The following SLC24A2 variants were observed in gnomAD, a reference collection of about 807,000 sequenced individuals.
SLC24A2 encodes the protein sodium/potassium/calcium exchanger 2.
SLC24A2 carries 36 observed loss-of-function variants against 62.0 expected under a neutral mutation model. The ratio of observed to expected loss-of-function variants is 0.58; its 90% CI spans 0.44 to 0.77. The LOEUF (loss-of-function observed/expected upper bound fraction) is 0.77. Among genes scored for constraint, SLC24A2 ranks in the 30% least tolerant of loss-of-function variants. SLC24A2 has a pLI of 0.00. For synonymous variants in SLC24A2, 358 were observed against 294.0 expected, an observed-to-expected ratio of 1.22 and a Z score of -2.23; for missense variants, 846 against 817.9, an observed-to-expected ratio of 1.03 and a Z score of -0.42.
At chr9:20,003,630 T>C in the SLC24A2 span, among the ~76,000 whole-genome samples, 1 of 152,120 alleles carries the variant, frequency 6.6e-6, no homozygotes, top group African/African-American at 2.4e-5. Flanking sequence ...ATGTCAGGGG[T>C]TGGCATTTAA....
chr9:19,884,889 A>G, the SLC24A2 span, among the ~76,000 whole-genome samples: 301 of 152,328 alleles, frequency 2.0e-3, no homozygotes, highest in African/African-American at 6.8e-3. Context: ...TAGGGGTATT[A>G]AATACATTTT....
chr9:19,664,565 T>C (rs765250604), intron 2 of SLC24A2, among the ~76,000 whole-genome samples: 15 of 152,190 alleles, frequency 9.9e-5, no homozygotes, highest in Non-Finnish European at 1.3e-4. Context: ...CCAAAAGATA[T>C]GTTGAAGTCC....
intron 2 of SLC24A2, among the ~76,000 whole-genome samples, chr9:19,740,574 C>T (rs914907531): frequency 6.6e-6 from 1 of 152,190 alleles, no homozygotes; most frequent in Admixed American, 6.5e-5. Flanking sequence ...GAGAGTACTA[C>T]AGAGGGGGCT....
intron 7 of SLC24A2, among the ~76,000 whole-genome samples, chr9:19,563,116 AAAATAAACAGTCTGATG>A (rs1231406890): frequency 2.0e-5 from 3 of 152,090 alleles, no homozygotes; most frequent in Non-Finnish European, 2.9e-5. Flanking sequence ...TAAAAAAATA[AAAATAAACAGTCTGATG>A]AAGAGTCTTT....
chr9:19,670,542 T>C (rs1819384901), intron 2 of SLC24A2, among the ~76,000 whole-genome samples: 1 of 152,194 alleles, frequency 6.6e-6, no homozygotes, highest in African/African-American at 2.4e-5. Context: ...TTATTCCTTA[T>C]GACAATCCTA....
intron 2 of SLC24A2, among the ~76,000 whole-genome samples, chr9:19,732,541 A>G (rs559597878): frequency 5.3e-5 from 8 of 152,312 alleles, no homozygotes; most frequent in African/African-American, 1.7e-4. Flanking sequence ...TGATCTATGC[A>G]TAAATTGTAG....
chr9:19,728,188 C>G (rs1821228513), intron 2 of SLC24A2, among the ~76,000 whole-genome samples: 1 of 152,040 alleles, frequency 6.6e-6, no homozygotes, highest in South Asian at 2.1e-4. Context: ...CAGTTCCACT[C>G]CAGGACCAAG....
chr9:20,020,773 G>T, the SLC24A2 span, among the ~76,000 whole-genome samples: 1 of 152,082 alleles, frequency 6.6e-6, no homozygotes. Flanking sequence ...GGCTTTCAAA[G>T]CTCAGGCTCT....
the SLC24A2 span, among the ~76,000 whole-genome samples, chr9:20,209,811 G>C: frequency 6.6e-6 from 1 of 152,138 alleles, no homozygotes; most frequent in African/African-American, 2.4e-5. Context: ...GGAATCAATA[G>C]AAACCACATC....
the SLC24A2 span, among the ~76,000 whole-genome samples, chr9:20,095,679 A>G: frequency 6.6e-6 from 1 of 151,726 alleles, no homozygotes; most frequent in Non-Finnish European, 1.5e-5. Flanking sequence ...CCAATTCCTT[A>G]TTTTTATGTA....
At chr9:19,716,299 T>C (rs1428772945) in intron 2 of SLC24A2, among the ~76,000 whole-genome samples, 1 of 152,204 alleles carries the variant, frequency 6.6e-6, no homozygotes, top group Non-Finnish European at 1.5e-5. Flanking sequence ...AACTTTTTAT[T>C]GATGAATGCA....
the SLC24A2 span, among the ~76,000 whole-genome samples, chr9:19,993,286 TA>T: frequency 6.6e-6 from 1 of 152,214 alleles, no homozygotes; most frequent in Non-Finnish European, 1.5e-5. Flanking sequence ...ATGCTAGCTT[TA>T]ATAGTATTTA....
At position 19,636,315 on chromosome 9, in the gene SLC24A2, T is replaced by TTTTCTTTTCC; in HGVS notation, c.931-14017_931-14016insGGAAAAGAAA. ...TTTTCTTTTCTTTTCTTTTCTTTTC[T>TTTTCTTTTCC]TTTCTTTCTTTCTTTCTTTCTTTCT... On this transcript the variant is annotated intron_variant, in intron 2 of 10. Coordinates refer to ENST00000341998, the MANE Select transcript of SLC24A2 (RefSeq NM_020344.4). Among the ~76,000 whole-genome samples the TTTTCTTTTCC allele has an allele frequency of 8.7e-3, 350 of 40,316 alleles. 30 individuals carry two copies. Among genetic ancestry groups the TTTTCTTTTCC allele is most frequent in the South Asian group, 0.015 (16 of 1,040 alleles). 26.4% of individuals were successfully genotyped at this position (40,316 alleles called of 152,430 possible).
At chr9:19,589,220 C>A (rs541850155) in intron 5 of SLC24A2, among the ~76,000 whole-genome samples, 2 of 152,132 alleles carry the variant, frequency 1.3e-5, no homozygotes, top group Non-Finnish European at 2.9e-5. Flanking sequence ...ATGAAAATAT[C>A]CTAAATGTTC....
the SLC24A2 span, chr9:19,928,975 T>C: frequency 6.6e-6 from 1 of 152,350 alleles, no homozygotes; most frequent in South Asian, 2.1e-4. Flanking sequence ...GCTTTCACCC[T>C]TCCCTAGCTG....
chr9:19,772,517 C>T (rs1183741864), intron 2 of SLC24A2, among the ~76,000 whole-genome samples: 1 of 152,110 alleles, frequency 6.6e-6, no homozygotes, highest in Non-Finnish European at 1.5e-5. Flanking sequence ...AACTCTGAAA[C>T]TCAATAATAA....
At chr9:20,187,908 G>A in the SLC24A2 span, among the ~76,000 whole-genome samples, 1 of 152,152 alleles carries the variant, frequency 6.6e-6, no homozygotes, top group Non-Finnish European at 1.5e-5. Flanking sequence ...GATCCCACAT[G>A]ATTCCTCCGC....
chr9:20,108,975 G>A, the SLC24A2 span, among the ~76,000 whole-genome samples: 1 of 152,102 alleles, frequency 6.6e-6, no homozygotes, highest in Admixed American at 6.6e-5. Context: ...AGATGATAAT[G>A]CATATTTTAA....
At chr9:19,996,984 A>G in the SLC24A2 span, among the ~76,000 whole-genome samples, 1 of 152,030 alleles carries the variant, frequency 6.6e-6, no homozygotes, top group Non-Finnish European at 1.5e-5. Context: ...AAGACAAAAG[A>G]GAGGGAGACA....
Sources: allele counts gnomAD v4.1 joint callset (sites outside exome capture counted in the v4.1 genomes callset), GRCh38; gene constraint gnomAD v4.1.1; transcripts MANE v1.5; gene names NCBI Gene and HGNC (gene_info 2026-07-23, HGNC 2026-07-21).